Variants in PKIB observed in about 807,000 individuals in gnomAD.
The protein encoded by PKIB is cAMP-dependent protein kinase inhibitor beta.
A neutral mutation model predicts 4.5 loss-of-function variants in PKIB; 2 were observed. That is an observed-to-expected ratio of 0.44 (90% CI 0.18 to 1.39). PKIB has a LOEUF of 1.39. PKIB is among the 40% of genes most tolerant of loss of function. The pLI, the probability that PKIB is intolerant of heterozygous loss-of-function variation, is 0.27. For missense variants in PKIB, 94 were observed against 92.6 expected (o/e 1.02, Z -0.06); for synonymous variants, 38 against 36.0 (o/e 1.06, Z -0.20).
At chr6:122,577,706 G>A (rs1416717781) in intron 2 of PKIB, among the ~76,000 whole-genome samples, 1 of 151,912 alleles carries the variant, frequency 6.6e-6, no homozygotes, top group South Asian at 2.1e-4. Context: ...TCAGGAGATC[G>A]AGACCATCCT....
intron 1 of PKIB, among the ~76,000 whole-genome samples, chr6:122,630,017 A>G (rs1775629719): frequency 6.6e-6 from 1 of 152,222 alleles, no homozygotes; most frequent in Admixed American, 6.5e-5. Context: ...TAAATGTACC[A>G]TACTAATGTA....
Position 122,633,963 on chromosome 6 carries a change from T to TATCC in PKIB, c.-76+599_-76+600insCATC, listed in dbSNP as rs1374773782. Among the ~76,000 whole-genome samples, 13 of 151,812 alleles carry TATCC rather than the reference T, an allele frequency of 8.6e-5. No homozygotes were observed. In the East Asian group the frequency reaches 2.3e-3, roughly 27 times the overall value. On this transcript the variant is annotated intron_variant, in intron 2 of 4. Coordinates refer to ENST00000368452, the MANE Select transcript of PKIB (RefSeq NM_181795.3). Reference sequence around the variant, plus strand: ...CTATCTATCTATCTATCTATCTATCTATCTATCTATCCATCTATCTATGAC... The same window carrying TATCC: ...CTATCTATCTATCTATCTATCTATCTATCCATCTATCTATCCATCTATCTATGAC...
At chr6:122,687,023 A>T (rs1778121619) in intron 3 of PKIB, among the ~76,000 whole-genome samples, 1 of 152,022 alleles carries the variant, frequency 6.6e-6, no homozygotes, top group Non-Finnish European at 1.5e-5. Context: ...GTGAGTTATT[A>T]CTCAAGAAAT....
chr6:122,569,642 T>A (rs1340690897), intron 2 of PKIB, among the ~76,000 whole-genome samples: 1 of 152,140 alleles, frequency 6.6e-6, no homozygotes, highest in African/African-American at 2.4e-5. Flanking sequence ...TGAAGACAGG[T>A]CACATCACTG....
At chr6:122,699,759 C>T (rs150639206) in intron 3 of PKIB, among the ~76,000 whole-genome samples, 1 of 152,226 alleles carries the variant, frequency 6.6e-6, no homozygotes, top group East Asian at 1.9e-4. Flanking sequence ...ATCTAATTTC[C>T]ATTTATTTTT....
chr6:122,601,377 AAG>A (rs1236740708), intron 3 of PKIB, among the ~76,000 whole-genome samples: 2 of 152,150 alleles, frequency 1.3e-5, no homozygotes, highest in Non-Finnish European at 1.5e-5. Context: ...ATTAGAGAAA[AAG>A]AGTTTGTACA....
At chr6:122,576,867 TAAAC>T in intron 2 of PKIB, among the ~76,000 whole-genome samples, 1 of 151,748 alleles carries the variant, frequency 6.6e-6, no homozygotes, top group Non-Finnish European at 1.5e-5. Context: ...TGTGTGTAAT[TAAAC>T]AAATTGAAAA....
At chr6:122,705,354 G>A (rs1215872134) in intron 3 of PKIB, among the ~76,000 whole-genome samples, 1 of 152,080 alleles carries the variant, frequency 6.6e-6, no homozygotes, top group Non-Finnish European at 1.5e-5. Flanking sequence ...ATACCACACA[G>A]AATTAATAGC....
chr6:122,692,544 T>C (rs1287264629), intron 3 of PKIB, among the ~76,000 whole-genome samples: 1 of 151,982 alleles, frequency 6.6e-6, no homozygotes, highest in Non-Finnish European at 1.5e-5. Flanking sequence ...AGTCAGCTTG[T>C]GGTGAATGCT....
At chr6:122,523,043 G>T (rs753986229) in intron 2 of PKIB, among the ~76,000 whole-genome samples, 4 of 152,058 alleles carry the variant, frequency 2.6e-5, no homozygotes, top group Admixed American at 6.6e-5. Context: ...AGTGAGACTG[G>T]GCATCCTTGT....
chr6:122,602,987 C>T (rs866112012), intron 3 of PKIB, among the ~76,000 whole-genome samples: 2 of 142,340 alleles, frequency 1.4e-5, no homozygotes, highest in African/African-American at 5.2e-5. Flanking sequence ...AATAGGAGTA[C>T]GTTTACATTT....
intron 2 of PKIB, among the ~76,000 whole-genome samples, chr6:122,558,833 T>C: frequency 6.6e-6 from 1 of 152,124 alleles, no homozygotes; most frequent in Non-Finnish European, 1.5e-5. Context: ...ATTTGTGAGA[T>C]TTTGGTGCAC....
chr6:122,476,677 A>G (rs534868464), intron 1 of PKIB, among the ~76,000 whole-genome samples: 5 of 152,322 alleles, frequency 3.3e-5, no homozygotes, highest in African/African-American at 1.2e-4. Context: ...AATAAAGTGG[A>G]TAGCAAATTC....
intron 2 of PKIB, among the ~76,000 whole-genome samples, chr6:122,486,017 C>A (rs1364510506): frequency 6.6e-6 from 1 of 152,160 alleles, no homozygotes; most frequent in Non-Finnish European, 1.5e-5. Context: ...TATTCATAGA[C>A]ACATACACAA....
chr6:122,554,733 G>T (rs143180893), intron 2 of PKIB, among the ~76,000 whole-genome samples: 1 of 152,036 alleles, frequency 6.6e-6, no homozygotes, highest in Non-Finnish European at 1.5e-5. Context: ...TTAATAAACA[G>T]GTCAATTCTT....
chr6:122,510,126 C>T (rs1776537140), intron 2 of PKIB, among the ~76,000 whole-genome samples: 1 of 151,988 alleles, frequency 6.6e-6, no homozygotes, highest in African/African-American at 2.4e-5. Context: ...CCTTTTGAGG[C>T]TTAATGGCTC....
At chr6:122,625,570 G>A (rs780686953) in intron 1 of PKIB, among the ~76,000 whole-genome samples, 3 of 152,022 alleles carry the variant, frequency 2.0e-5, no homozygotes, top group East Asian at 3.9e-4. Flanking sequence ...CCTGAGAGGC[G>A]GAGGTTGCAG....
At chr6:122,527,449 T>C (rs987648198) in intron 2 of PKIB, among the ~76,000 whole-genome samples, 1 of 152,132 alleles carries the variant, frequency 6.6e-6, no homozygotes, top group African/African-American at 2.4e-5. Flanking sequence ...TATGTGCAAA[T>C]TTTTCTTTAT....
At chr6:122,498,961 A>G (rs1052032618) in intron 2 of PKIB, among the ~76,000 whole-genome samples, 1 of 152,212 alleles carries the variant, frequency 6.6e-6, no homozygotes, top group Non-Finnish European at 1.5e-5. Context: ...TAGAAAATCT[A>G]GAGGAAATGA....
Sources: allele counts gnomAD v4.1 joint callset (sites outside exome capture counted in the v4.1 genomes callset), GRCh38; gene constraint gnomAD v4.1.1; transcripts MANE v1.5; gene names NCBI Gene and HGNC (gene_info 2026-07-23, HGNC 2026-07-21).